JAK3: variants seen among roughly 807,000 people sequenced by gnomAD.
The protein encoded by JAK3 is Janus kinase 3.
A neutral mutation model predicts 120.8 loss-of-function variants in JAK3; 88 were observed. That is an observed-to-expected ratio of 0.73 (90% CI 0.61 to 0.87). The LOEUF is 0.87. JAK3 is among the 40% of genes least tolerant of loss of function. The pLI, the probability that JAK3 is intolerant of heterozygous loss-of-function variation, is 0.00. For synonymous variants in JAK3, 592 were observed against 628.6 expected, an observed-to-expected ratio of 0.94 and a Z score of 0.87; for missense variants, 1,254 against 1,501.4, an observed-to-expected ratio of 0.84 and a Z score of 2.72.
chr19:17,840,029 G>A (rs956716741), intron 9 of JAK3, among the ~76,000 whole-genome samples: 10 of 152,178 alleles, frequency 6.6e-5, no homozygotes, highest in African/African-American at 2.4e-4. Flanking sequence ...GTAAGCCACT[G>A]TGCCCAGCCT....
At position 17,831,156 on chromosome 19, in the gene JAK3, G is replaced by A; in HGVS notation, c.2978+72C>T. On this transcript the variant is annotated intron_variant, in intron 21 of 23. Coordinates refer to ENST00000458235, the MANE Select transcript of JAK3 (RefSeq NM_000215.4). This position sits in a 1 kb window ranked among gnomAD's most constrained non-coding sequence, Gnocchi z 5.1. ...GCTGGGGAGCAAAGCAGCGGGAGGGGGCGGGGGCATGGCTGGGGGCGGAGC... is the reference window on the plus strand; with the variant it reads ...GCTGGGGAGCAAAGCAGCGGGAGGGAGCGGGGGCATGGCTGGGGGCGGAGC... 2 of 1,518,762 alleles carry A rather than the reference G, an allele frequency of 1.3e-6. No homozygotes were observed. The highest frequency in any genetic ancestry group is 1.8e-6 in the Non-Finnish European group (2 of 1,114,468). 94.1% of individuals were successfully genotyped at this position (1,518,762 alleles called of 1,614,324 possible). A position where few individuals can be genotyped will look rare whatever the true frequency, so the allele number is the denominator to read the frequency against.
rs1205312138 is a variant in JAK3, at chr19:17,840,110, C to T, written c.1254+120G>A. On this transcript the variant is annotated intron_variant, in intron 9 of 23. Coordinates refer to ENST00000458235, the MANE Select transcript of JAK3 (RefSeq NM_000215.4). ...CCTTTGAATATGCTGTTCTGTTCAC[C>T]GGGGGTGTCTTTTCCCTCCTATTCT... 10 of 734,866 alleles carry T rather than the reference C, an allele frequency of 1.4e-5. 1 individual carries two copies. Among genetic ancestry groups the T allele is most frequent in the Admixed American group, 4.0e-5 (2 of 49,884 alleles). 45.5% of individuals were successfully genotyped at this position (734,866 alleles called of 1,614,324 possible).
chr19:17,829,972 G>A (rs552277281), intron 23 of JAK3, 136 bp downstream of exon 23: 4 of 718,760 alleles, frequency 5.6e-6, no homozygotes, highest in South Asian at 2.9e-5. Flanking sequence ...GAGTAGCCAA[G>A]TGGGGGCCAG....
At chr19:17,830,287 TG>T in intron 22 of JAK3, 69 bp from the exon 23 acceptor site, 1 of 1,074,986 alleles carries the variant, frequency 9.3e-7, no homozygotes, top group Non-Finnish European at 1.4e-6. Context: ...GGGCCACCCG[TG>T]GTGGGGGTAG....
chr19:17,841,333 G>A lies in JAK3; in HGVS notation c.1142+56C>T. 6.6e-7 allele frequency: 1 copy of A among 1,520,170 alleles called. No individual in the cohort carries two copies. Among genetic ancestry groups the A allele is most frequent in the South Asian group, 1.2e-5 (1 of 83,338 alleles). The allele number at this position is 1,520,170 out of a possible 1,614,324, so 94.2% of individuals were successfully genotyped here. A position where few individuals can be genotyped will look rare whatever the true frequency, so the allele number is the denominator to read the frequency against. On this transcript the variant is annotated intron_variant, in intron 8 of 23. Coordinates refer to ENST00000458235, the MANE Select transcript of JAK3 (RefSeq NM_000215.4). This position sits in a 1 kb window ranked among gnomAD's most constrained non-coding sequence, Gnocchi z 4.1. ...GAAGGTGAGGACACTGAGGCATAGA[G>A]AAGGGGAGGGGCCCTGAGTGGCCAC...
chr19:17,842,267 GA>G lies in JAK3; in HGVS notation c.861+48del. The G allele has an allele frequency of 1.8e-6, 1 of 546,858 alleles. No individual in the cohort carries two copies. The highest frequency in any genetic ancestry group is 3.3e-5 in the South Asian group (1 of 30,356). 33.9% of individuals were successfully genotyped at this position (546,858 alleles called of 1,614,324 possible). On this transcript the variant is annotated intron_variant, in intron 6 of 23. Coordinates refer to ENST00000458235, the MANE Select transcript of JAK3 (RefSeq NM_000215.4). This position sits in a 1 kb window ranked among gnomAD's most constrained non-coding sequence, Gnocchi z 6.4. ...CCCTACCACTCTCCGGCCCCTCCCCGAGCCCCGCCCCCACGTTGGCCCCGCC... is the reference window on the plus strand; with the variant it reads ...CCCTACCACTCTCCGGCCCCTCCCCGGCCCCGCCCCCACGTTGGCCCCGCC...
intron 13 of JAK3, among the ~76,000 whole-genome samples, chr19:17,836,395 G>A (rs773948826): frequency 1.5e-4 from 23 of 152,012 alleles, no homozygotes; most frequent in Admixed American, 2.6e-4. Context: ...TGATTCTCCT[G>A]TCTCAGCCTC....
chr19:17,836,048 G>A lies in JAK3; in HGVS notation c.1790C>T (p.Thr597Ile), dbSNP rs202065927. Residue 597 changes from threonine to isoleucine, a missense_variant, in exon 14 of 24, where the codon ACC becomes ATC. By Grantham distance (89) the Thr-to-Ile change is moderately conservative. Transcript: ENST00000458235. Reference sequence around the variant, plus strand: ...CAGGTGTACAAATTCCTGCACCATGGTGCCTGGTTGGCAGCAGGGAGAGGC... The same window carrying A: ...CAGGTGTACAAATTCCTGCACCATGATGCCTGGTTGGCAGCAGGGAGAGGC... ...LHGVCMAGDSTMVQEFVHLGA... is the reference protein window; with the variant it reads ...LHGVCMAGDSIMVQEFVHLGA... The A allele has an allele frequency of 1.2e-6, 2 of 1,612,960 alleles. No homozygotes were observed. Among genetic ancestry groups the A allele is most frequent in the Middle Eastern group, 1.8e-4 (1 of 5,652 alleles).
At chr19:17,847,664 C>T (rs1178989648) in intron 1 of JAK3, among the ~76,000 whole-genome samples, 3 of 151,950 alleles carry the variant, frequency 2.0e-5, no homozygotes. Flanking sequence ...CCCAATCCCT[C>T]CTCCCCACCC....
rs1273460750 is a variant in JAK3, at chr19:17,832,185, T to C, written c.2680+334A>G. ...GCTGAGGCAGGAGAATCACTTGAAC[T>C]TGGAAGGCAGAGGTTGCAGTGAGCC... On this transcript the variant is annotated intron_variant, in intron 19 of 23. Transcript: ENST00000458235. The surrounding 1 kb of genome is among the most constrained non-coding windows in gnomAD (Gnocchi z 4.7). 6.6e-5 allele frequency among the ~76,000 whole-genome samples: 10 copies of C among 151,978 alleles called. No homozygotes were observed. The highest frequency in any genetic ancestry group is 2.4e-4 in the African/African-American group (10 of 41,374).
chr19:17,834,876 G>A lies in JAK3; in HGVS notation c.2175C>T (p.Pro725=). Residue 725 remains proline, a synonymous_variant, in exon 16 of 24, where the codon CCC becomes CCT. Coordinates refer to ENST00000458235, the MANE Select transcript of JAK3 (RefSeq NM_000215.4). The part of the protein sequence containing the change: ...VWEVFSGVTM[P]ISALDPAKKL... Reference sequence around the variant, plus strand: ...CCTTAGCAGGATCCAGGGCACTGATGGGCATGGTGACGCCACTAAACACTT... The same window carrying A: ...CCTTAGCAGGATCCAGGGCACTGATAGGCATGGTGACGCCACTAAACACTT... The A allele has an allele frequency of 6.2e-7, 1 of 1,614,170 alleles. No individual in the cohort carries two copies. Among genetic ancestry groups the A allele is most frequent in the Non-Finnish European group, 8.5e-7 (1 of 1,180,036 alleles).
At position 17,843,148 on chromosome 19, in the gene JAK3, G is replaced by A. The variant is rs1342240526; in HGVS notation, c.445C>T (p.Arg149Cys). ...AQHRSDLVSG[R>C]LPVGLSLKEQ... ...TTGAGACTGAGGCCCACGGGGAGGC[G>A]CCCACTCACCAGGTCACTGCGGTGC... The change falls in exon 5 of 24, where the codon CGC becomes TGC. Residue 149 changes from arginine to cysteine, a missense_variant. This residue lies in a region of JAK3 where 486 missense variants were observed against 503.0 expected (regional missense o/e 0.97). Transcript: ENST00000458235. This position sits in a 1 kb window ranked among gnomAD's most constrained non-coding sequence, Gnocchi z 5.4. The A allele has an allele frequency of 1.2e-5, 19 of 1,606,822 alleles. No individual in the cohort carries two copies. Among genetic ancestry groups the A allele is most frequent in the East Asian group, 4.5e-5 (2 of 44,814 alleles).
Position 17,843,540 on chromosome 19 carries a change from G to T in JAK3, c.309-49C>A. 1 of 1,361,034 alleles carries T rather than the reference G, an allele frequency of 7.3e-7. No homozygotes were observed. Among genetic ancestry groups the T allele is most frequent in the Non-Finnish European group, 1.0e-6 (1 of 967,780 alleles). The allele number at this position is 1,361,034 out of a possible 1,614,324, so 84.3% of individuals were successfully genotyped here. A position where few individuals can be genotyped will look rare whatever the true frequency, so the allele number is the denominator to read the frequency against. ...GGGATGAAAGTGCAACCCAGCCTCA[G>T]TAGGAGTGACATTATGGTGGGGGCG... On this transcript the variant is annotated intron_variant, in intron 3 of 23. Coordinates refer to ENST00000458235, the MANE Select transcript of JAK3 (RefSeq NM_000215.4). This position sits in a 1 kb window ranked among gnomAD's most constrained non-coding sequence, Gnocchi z 5.4.
chr19:17,837,040 C>T (rs768111137), intron 13 of JAK3, 89 bp downstream of exon 13: 5 of 853,850 alleles, frequency 5.9e-6, no homozygotes, highest in South Asian at 5.7e-5. Context: ...GTTGCTGGGG[C>T]TGTCATATAG....
In JAK3 at chr19:17,838,146, C is replaced by T; in HGVS notation, c.1570-83G>A. 5 of 1,612,512 alleles carry T rather than the reference C, an allele frequency of 3.1e-6. No individual in the cohort carries two copies. The South Asian group carries it at 5.5e-5, about 18-fold the overall frequency. ...CCCAAGCGAGACATAGCTGCTGGCC[C>T]CATTTTACAGATGGGAAAACCGAGG... On this transcript the variant is annotated intron_variant, in intron 11 of 23. Transcript: ENST00000458235.
Position 17,843,559 on chromosome 19 carries a change from G to T in JAK3, c.309-68C>A. The stretch of plus-strand genomic sequence containing the variant: ...GCCTCAGTAGGAGTGACATTATGGT[G>T]GGGGCGAGGGACAGATTCTGCGGAG... On this transcript the variant is annotated intron_variant, in intron 3 of 23. Coordinates refer to ENST00000458235, the MANE Select transcript of JAK3 (RefSeq NM_000215.4). The surrounding 1 kb of genome is among the most constrained non-coding windows in gnomAD (Gnocchi z 5.4). The T allele has an allele frequency of 8.1e-7, 1 of 1,237,736 alleles. No individual in the cohort carries two copies. The highest frequency in any genetic ancestry group is 1.5e-5 in the African/African-American group (1 of 67,412). 76.7% of individuals were successfully genotyped at this position (1,237,736 alleles called of 1,614,324 possible).
In JAK3 at chr19:17,835,026, A is replaced by G. The variant is rs1308327218; in HGVS notation, c.2048-23T>C. 7 of 1,614,014 alleles carry G rather than the reference A, an allele frequency of 4.3e-6. No individual in the cohort carries two copies. In the East Asian group the frequency reaches 6.7e-5, roughly 15 times the overall value. On this transcript the variant is annotated intron_variant, in intron 15 of 23. Coordinates refer to ENST00000458235, the MANE Select transcript of JAK3 (RefSeq NM_000215.4). ...GCACTGAGGGAATGAAAGTGGGATC[A>G]GGGATCCACTTCCTTGCCCTGCTCA...
chr19:17,842,425 G>A lies in JAK3; in HGVS notation c.752C>T (p.Ala251Val). 6.3e-7 allele frequency: 1 copy of A among 1,583,208 alleles called. No individual in the cohort carries two copies. The highest frequency in any genetic ancestry group is 2.3e-5 in the East Asian group (1 of 43,304). ...DLERLDPAGA[A>V]ETFHVGLPGA... ...AGGGAGGCCCACGTGGAAGGTCTCGGCGGCCCCGGCTGGATCCAGCCGCTC... is the reference window on the plus strand; with the variant it reads ...AGGGAGGCCCACGTGGAAGGTCTCGACGGCCCCGGCTGGATCCAGCCGCTC... The change falls in exon 6 of 24, where the codon GCC becomes GTC. Residue 251 changes from alanine to valine, a missense_variant. Transcript: ENST00000458235. The surrounding 1 kb of genome is among the most constrained non-coding windows in gnomAD (Gnocchi z 6.4).
intron 9 of JAK3, 99 bp downstream of exon 9, chr19:17,840,131 A>T: frequency 1.2e-6 from 1 of 828,824 alleles, no homozygotes; most frequent in Non-Finnish European, 2.0e-6. Flanking sequence ...TTTCCCTCCT[A>T]TTCTTCAGGA....
Sources: allele counts gnomAD v4.1 joint callset (sites outside exome capture counted in the v4.1 genomes callset), GRCh38; gene constraint gnomAD v4.1.1; regional missense constraint gnomAD v4.1.1; non-coding constraint Gnocchi (gnomAD v3.1); transcripts MANE v1.5; gene names NCBI Gene and HGNC (gene_info 2026-07-23, HGNC 2026-07-21).